Variants in SPAST observed in about 807,000 individuals in gnomAD.
SPAST encodes spastin, also known as spastic paraplegia 4 (autosomal dominant; spastin).
In SPAST, 30 loss-of-function variants were observed where a neutral mutation model predicts 76.6. The ratio of observed to expected loss-of-function variants is 0.39; its 90% confidence interval spans 0.29 to 0.53. The LOEUF (loss-of-function observed/expected upper bound fraction) is 0.53, where lower values mean the gene tolerates loss of function less well. SPAST is among the 20% of genes least tolerant of loss of function. The pLI is 0.68. For synonymous variants in SPAST, 305 were observed against 281.0 expected (o/e 1.09, Z -0.86); for missense variants, 717 against 770.5 (o/e 0.93, Z 0.82).
chr2:32,151,913 A>C (rs77803601), intron 16 of SPAST, among the ~76,000 whole-genome samples: 1 of 143,038 alleles, frequency 7.0e-6, no homozygotes, highest in Non-Finnish European at 1.5e-5. Flanking sequence ...CTCCATCTCC[A>C]AAAAAAAAAA....
chr2:32,064,093 G>T lies in SPAST; in HGVS notation c.262G>T (p.Ala88Ser). 1 of 1,610,554 alleles carries T rather than the reference G, an allele frequency of 6.2e-7. No homozygotes were observed. The highest frequency in any genetic ancestry group is 8.5e-7 in the Non-Finnish European group (1 of 1,178,694). The change falls in exon 1 of 17, where the codon GCA becomes TCA. Residue 88 changes from alanine (A) to serine (S), a missense_variant. Physicochemically the swap from Ala to Ser is moderately conservative, Grantham distance 99. This residue lies in a region of SPAST where 543 missense variants were observed against 445.2 expected (regional missense o/e 1.22). Transcript: ENST00000315285. ...LCQRFSRALM[A>S]AKRSSGAAPA... ...CCAGCGCTTCTCCCGCGCCCTCATGGCAGCCAAGAGGAGCTCCGGGGCCGC... is the reference window on the plus strand; with the variant it reads ...CCAGCGCTTCTCCCGCGCCCTCATGTCAGCCAAGAGGAGCTCCGGGGCCGC...
chr2:32,064,379 A>G, intron 1 of SPAST, 133 bp downstream of exon 1: 1 of 812,204 alleles, frequency 1.2e-6, no homozygotes. Flanking sequence ...GCCCCGGGAG[A>G]CTGCTTTCCC....
chr2:32,114,520 T>C (rs1282299339), intron 4 of SPAST, 118 bp from the exon 5 acceptor site: 15 of 790,786 alleles, frequency 1.9e-5, no homozygotes, highest in East Asian at 5.4e-5. Context: ...TGAAATCTTA[T>C]TTTGAAATAT....
chr2:32,110,503 T>A (rs1019485076), intron 4 of SPAST, among the ~76,000 whole-genome samples: 1 of 56,184 alleles, frequency 1.8e-5, no homozygotes, highest in Non-Finnish European at 3.7e-5. Context: ...ATATATAGTA[T>A]ATATAGTATA....
rs145264166 is a variant in SPAST, at chr2:32,115,710, G to A, written c.879G>A (p.Pro293=). ...GPAPTTHKGT[P]KTNRTNKPST... ...ATTTTGTATCCTTTAAGGGTACTCCGAAAACAAATAGGACAAATAAACCTT... is the reference window on the plus strand; with the variant it reads ...ATTTTGTATCCTTTAAGGGTACTCCAAAAACAAATAGGACAAATAAACCTT... The change falls in exon 6 of 17, where the codon CCG becomes CCA. Residue 293 remains proline (P), a synonymous_variant. Coordinates refer to ENST00000315285, the MANE Select transcript of SPAST (RefSeq NM_014946.4). The A allele has an allele frequency of 0.012, 20,070 of 1,607,230 alleles. 146 individuals are homozygous for A. Among genetic ancestry groups the A allele is most frequent in the Non-Finnish European group, 0.015 (17,234 of 1,174,802 alleles).
intron 10 of SPAST, 92 bp from the exon 11 acceptor site, chr2:32,136,785 C>G: frequency 1.7e-6 from 2 of 1,208,044 alleles, no homozygotes; most frequent in Non-Finnish European, 2.4e-6. Flanking sequence ...TTAGTAGGAC[C>G]CACTATATTA....
chr2:32,079,689 G>A (rs1677125639), intron 1 of SPAST, among the ~76,000 whole-genome samples: 1 of 148,880 alleles, frequency 6.7e-6, no homozygotes, highest in African/African-American at 2.5e-5. Context: ...CTCCCAAGTA[G>A]CTGGGACCAC....
chr2:32,144,953 T>G lies in SPAST; in HGVS notation c.1633T>G (p.Ser545Ala), dbSNP rs768618421. Residue 545 changes from serine (S) to alanine (A), a missense_variant, in exon 15 of 17, where the codon TCA (serine) becomes GCA (alanine). By Grantham distance (99) the Ser-to-Ala change is moderately conservative (BLOSUM62 1). Transcript: ENST00000315285. ...AQLARMTDGY[S>A]GSDLTALAKD... is the part of the protein sequence containing the mutation. Reference sequence around the variant, plus strand: ...CTTCCTCAGAATGACTGATGGATACTCAGGAAGTGACCTAACAGCTTTGGC... The same window carrying G: ...CTTCCTCAGAATGACTGATGGATACGCAGGAAGTGACCTAACAGCTTTGGC... 1 of 1,612,576 alleles carries G rather than the reference T, an allele frequency of 6.2e-7. No homozygotes were observed. Among genetic ancestry groups the G allele is most frequent in the Non-Finnish European group, 8.5e-7 (1 of 1,179,056 alleles).
chr2:32,093,203 T>A (rs959054997), intron 3 of SPAST, among the ~76,000 whole-genome samples: 1 of 145,020 alleles, frequency 6.9e-6, no homozygotes, highest in African/African-American at 2.6e-5. Context: ...CCCAGCTACT[T>A]GGGAGGCTGA....
intron 1 of SPAST, among the ~76,000 whole-genome samples, chr2:32,082,557 G>A (rs192063068): frequency 1.5e-4 from 23 of 152,076 alleles, no homozygotes; most frequent in African/African-American, 5.1e-4. Context: ...TTAGCCGGGC[G>A]TGGTGGCACG....
chr2:32,067,864 A>G, intron 1 of SPAST, among the ~76,000 whole-genome samples: 1 of 150,974 alleles, frequency 6.6e-6, no homozygotes, highest in East Asian at 1.9e-4. Context: ...GTTTTATTGT[A>G]AAGTGGTATG....
At chr2:32,086,045 A>G (rs1056644637) in intron 1 of SPAST, among the ~76,000 whole-genome samples, 1 of 151,084 alleles carries the variant, frequency 6.6e-6, no homozygotes, top group Admixed American at 6.6e-5. Context: ...CCATCTAAAT[A>G]AATAAATAAA....
At chr2:32,099,285 C>T (rs1472806482) in intron 4 of SPAST, among the ~76,000 whole-genome samples, 2 of 151,900 alleles carry the variant, frequency 1.3e-5, no homozygotes, top group African/African-American at 4.8e-5. Flanking sequence ...ATTTTTATTG[C>T]ATATCAATTT....
chr2:32,083,668 T>G (rs1194774597), intron 1 of SPAST, among the ~76,000 whole-genome samples: 1 of 142,048 alleles, frequency 7.0e-6, no homozygotes, highest in Non-Finnish European at 1.5e-5. Context: ...TATATATATA[T>G]ATATATATTT....
At chr2:32,078,892 C>A (rs1677083790) in intron 1 of SPAST, among the ~76,000 whole-genome samples, 1 of 151,962 alleles carries the variant, frequency 6.6e-6, no homozygotes, top group Non-Finnish European at 1.5e-5. Context: ...GTTTTTGTCA[C>A]CCAGGTTGGA....
chr2:32,063,740 G>C lies in SPAST; in HGVS notation c.-92G>C. ...GACCGGCGGGCACACGGGGGTCTGT[G>C]GCCCCCGCCGTAGCAGTGGCTGCCG... On this transcript the variant is annotated 5_prime_UTR_variant, in exon 1 of 17. Coordinates refer to ENST00000315285, the MANE Select transcript of SPAST (RefSeq NM_014946.4). The C allele has an allele frequency of 6.7e-7, 1 of 1,491,588 alleles. No homozygotes were observed. The highest frequency in any genetic ancestry group is 8.9e-7 in the Non-Finnish European group (1 of 1,119,096). 92.4% of individuals were successfully genotyped at this position (1,491,588 alleles called of 1,614,324 possible).
In SPAST at chr2:32,156,443, T is replaced by TGAGATA. The variant is rs1680254902; in HGVS notation, c.*1948_*1953dup. On this transcript the variant is annotated 3_prime_UTR_variant, in exon 17 of 17. Transcript: ENST00000315285. Reference sequence around the variant, plus strand: ...CTCCCTGAATAATAAAAATGAGAGTTGAGATAAATAGGGGAAAAAAAATTT... The same window carrying TGAGATA: ...CTCCCTGAATAATAAAAATGAGAGTTGAGATAGAGATAAATAGGGGAAAAAAAATTT... 6.6e-6 allele frequency: 1 copy of TGAGATA among 152,100 alleles called. No individual in the cohort carries two copies. Among genetic ancestry groups the TGAGATA allele is most frequent in the South Asian group, 2.1e-4 (1 of 4,828 alleles). 9.4% of individuals were successfully genotyped at this position (152,100 alleles called of 1,614,324 possible). A position where few individuals can be genotyped will look rare whatever the true frequency, so the allele number is the denominator to read the frequency against.
chr2:32,113,851 G>C (rs568163684), intron 4 of SPAST, among the ~76,000 whole-genome samples: 1 of 152,144 alleles, frequency 6.6e-6, no homozygotes, highest in Non-Finnish European at 1.5e-5. Context: ...ACAGGTGTGA[G>C]CCATCGCGCC....
chr2:32,154,601 T>TA lies in SPAST; in HGVS notation c.*105_*106insA. 2 of 1,154,074 alleles carry TA rather than the reference T, an allele frequency of 1.7e-6. No individual in the cohort carries two copies. Among genetic ancestry groups the TA allele is most frequent in the Non-Finnish European group, 2.6e-6 (2 of 776,606 alleles). 71.5% of individuals were successfully genotyped at this position (1,154,074 alleles called of 1,614,324 possible). A position where few individuals can be genotyped will look rare whatever the true frequency, so the allele number is the denominator to read the frequency against. On this transcript the variant is annotated 3_prime_UTR_variant, in exon 17 of 17. Transcript: ENST00000315285. ...GAAACAGCCTAAGTTTACAGGACTT[T>TA]TTAGAGTCTTACATATTTGTGCACC...
Sources: gnomAD v4.1 joint callset for allele counts (sites outside exome capture counted in the v4.1 genomes callset) on GRCh38, gnomAD v4.1.1 for gene constraint, gnomAD v4.1.1 regional missense constraint, MANE v1.5 for transcripts, NCBI Gene and HGNC (gene_info 2026-07-23, HGNC 2026-07-21) for gene names.